Variants in FBXL17 observed in about 807,000 individuals in gnomAD.
FBXL17 encodes the protein F-box and leucine rich repeat protein 17, also known as F-box/LRR-repeat protein 17.
Under a neutral mutation model 66.2 loss-of-function variants are expected in FBXL17, and 22 were observed. The ratio of observed to expected loss-of-function variants is 0.33; its 90% CI spans 0.24 to 0.47. The LOEUF is 0.47. Among genes scored for constraint, FBXL17 ranks in the 20% least tolerant of loss-of-function variants. The probability of loss-of-function intolerance (pLI) is 1.00; values close to 1 mark genes in which losing one functional copy is unlikely to be tolerated. For synonymous variants in FBXL17, 474 were observed against 400.5 expected (o/e 1.18, Z -2.19); for missense variants, 878 against 948.2 (o/e 0.93, Z 0.97).
intron 7 of FBXL17, among the ~76,000 whole-genome samples, chr5:108,020,190 C>T (rs868467322): frequency 1.3e-5 from 2 of 151,704 alleles, no homozygotes; most frequent in Admixed American, 6.6e-5. Flanking sequence ...AGAAAATAAA[C>T]GAAAACCATT....
chr5:108,170,973 A>G (rs1752587150), intron 6 of FBXL17, among the ~76,000 whole-genome samples: 1 of 152,226 alleles, frequency 6.6e-6, no homozygotes. Flanking sequence ...GAAGAAAAGA[A>G]CACAGATATT....
chr5:108,195,201 G>A (rs1177571843), intron 5 of FBXL17, among the ~76,000 whole-genome samples: 2 of 152,082 alleles, frequency 1.3e-5, no homozygotes, highest in Non-Finnish European at 2.9e-5. Context: ...GTTAAAAGGT[G>A]TTAAGTACTA....
In FBXL17 at chr5:108,179,005, A is replaced by G. The variant is rs544290869; in HGVS notation, c.1745+7112T>C. On this transcript the variant is annotated intron_variant, in intron 6 of 8. Transcript: ENST00000542267. ...CCTCAGTCTCTAGGAGAATTAAGTA[A>G]TATTAGGGGATTGAAATGAAATAAA... Among the ~76,000 whole-genome samples, 7 of 152,352 alleles carry G rather than the reference A, an allele frequency of 4.6e-5. No homozygotes were observed. The East Asian group carries it at 1.2e-3, about 25-fold the overall frequency.
At chr5:108,089,629 ACCT>A (rs1174772276) in intron 6 of FBXL17, among the ~76,000 whole-genome samples, 3 of 152,226 alleles carry the variant, frequency 2.0e-5, no homozygotes, top group South Asian at 2.1e-4. Flanking sequence ...TATTTGAGAA[ACCT>A]CCTTCTTCCC....
chr5:108,036,468 T>C (rs575623987), intron 6 of FBXL17, among the ~76,000 whole-genome samples: 1 of 152,306 alleles, frequency 6.6e-6, no homozygotes, highest in African/African-American at 2.4e-5. Flanking sequence ...TTTCTTCATT[T>C]ACATTCCGTA....
chr5:108,047,987 T>G (rs946976964), intron 6 of FBXL17, among the ~76,000 whole-genome samples: 1 of 152,188 alleles, frequency 6.6e-6, no homozygotes, highest in Admixed American at 6.5e-5. Context: ...GCCACCCAAC[T>G]GGGTGAGACC....
At chr5:108,341,990 G>A (rs1337414251) in intron 4 of FBXL17, among the ~76,000 whole-genome samples, 4 of 151,988 alleles carry the variant, frequency 2.6e-5, no homozygotes, top group Non-Finnish European at 5.9e-5. Context: ...TTTGCAATTG[G>A]TGTTTCTATA....
chr5:108,123,206 C>T (rs992823348), intron 6 of FBXL17, among the ~76,000 whole-genome samples: 1 of 151,762 alleles, frequency 6.6e-6, no homozygotes, highest in East Asian at 1.9e-4. Context: ...AAACCATTTA[C>T]AGGAAAGTTA....
At chr5:107,869,464 A>G (rs191828335) in intron 8 of FBXL17, among the ~76,000 whole-genome samples, 1 of 152,296 alleles carries the variant, frequency 6.6e-6, no homozygotes, top group East Asian at 1.9e-4. Flanking sequence ...AACACCCCAA[A>G]TTTGCATGTA....
chr5:108,049,243 A>T (rs193018594), intron 6 of FBXL17, among the ~76,000 whole-genome samples: 1 of 151,912 alleles, frequency 6.6e-6, no homozygotes, highest in Non-Finnish European at 1.5e-5. Flanking sequence ...CCCAGGTTCA[A>T]GCAATTCCCC....
At chr5:108,074,125 G>A (rs1246876369) in intron 6 of FBXL17, among the ~76,000 whole-genome samples, 1 of 152,062 alleles carries the variant, frequency 6.6e-6, no homozygotes, top group African/African-American at 2.4e-5. Flanking sequence ...TACCCCACTG[G>A]GGGACTGTGA....
At chr5:107,891,304 C>T (rs765577120) in intron 7 of FBXL17, among the ~76,000 whole-genome samples, 5 of 152,078 alleles carry the variant, frequency 3.3e-5, no homozygotes, top group Non-Finnish European at 7.3e-5. Flanking sequence ...GAAAGATAAC[C>T]TTGTAGGCCA....
intron 6 of FBXL17, among the ~76,000 whole-genome samples, chr5:108,061,570 T>C (rs1747925070): frequency 6.6e-6 from 1 of 152,142 alleles, no homozygotes; most frequent in Non-Finnish European, 1.5e-5. Context: ...CCACTCAATA[T>C]TTTTATAATT....
intron 6 of FBXL17, among the ~76,000 whole-genome samples, chr5:108,053,955 T>C (rs1202066851): frequency 6.6e-6 from 1 of 152,146 alleles, no homozygotes; most frequent in Non-Finnish European, 1.5e-5. Flanking sequence ...GATCATGTCC[T>C]TGGCAGGGAC....
At chr5:108,190,292 G>C (rs1247917332) in intron 5 of FBXL17, among the ~76,000 whole-genome samples, 2 of 152,134 alleles carry the variant, frequency 1.3e-5, no homozygotes, top group African/African-American at 2.4e-5. Flanking sequence ...TCTCCTCTAG[G>C]CTTGTCTTCA....
At chr5:107,864,773 A>G (rs753771379) in intron 8 of FBXL17, among the ~76,000 whole-genome samples, 32 of 152,224 alleles carry the variant, frequency 2.1e-4, no homozygotes, top group Non-Finnish European at 2.8e-4. Context: ...AGCAGATGCC[A>G]ACACTGCACT....
At chr5:108,360,319 T>A (rs1748262978) in intron 3 of FBXL17, among the ~76,000 whole-genome samples, 1 of 152,150 alleles carries the variant, frequency 6.6e-6, no homozygotes, top group African/African-American at 2.4e-5. Flanking sequence ...AATATCTTAA[T>A]GTCCCCTTGA....
intron 6 of FBXL17, among the ~76,000 whole-genome samples, chr5:108,058,673 C>T (rs760013944): frequency 3.9e-5 from 6 of 151,942 alleles, no homozygotes; most frequent in East Asian, 1.9e-4. Context: ...TTAGTAAAGA[C>T]GGAGTTTCAG....
chr5:108,008,160 G>T (rs771009770), intron 7 of FBXL17, among the ~76,000 whole-genome samples: 37 of 152,156 alleles, frequency 2.4e-4, no homozygotes, highest in Non-Finnish European at 1.9e-4. Context: ...TGACAACAAA[G>T]AAACCAGAAA....
Sources: gnomAD v4.1 joint callset for allele counts (sites outside exome capture counted in the v4.1 genomes callset) on GRCh38, gnomAD v4.1.1 for gene constraint, MANE v1.5 for transcripts, NCBI Gene and HGNC (gene_info 2026-07-23, HGNC 2026-07-21) for gene names.